Variants in COL6A6 observed in about 807,000 individuals in gnomAD.
The protein encoded by COL6A6 is collagen type VI alpha 6 chain, also known as collagen alpha-6(VI) chain.
A neutral mutation model predicts 208.6 loss-of-function variants in COL6A6; 183 were observed. The observed-to-expected ratio is 0.88, with a 90% CI of 0.78 to 0.99. The LOEUF (loss-of-function observed/expected upper bound fraction) is 0.99. Ranked by LOEUF, COL6A6 falls within the 50% of genes least tolerant of loss-of-function variation. The probability of loss-of-function intolerance (pLI) is 0.00; values close to 1 mark genes in which losing one functional copy is unlikely to be tolerated. For synonymous variants in COL6A6, 973 were observed against 1,011.8 expected, an observed-to-expected ratio of 0.96 and a Z score of 0.73; for missense variants, 2,816 against 2,815.2, an observed-to-expected ratio of 1.00 and a Z score of -0.01.
rs903669701 is a variant in COL6A6, at chr3:130,658,315, G to C, written c.5734-361G>C. Among the ~76,000 whole-genome samples the C allele has an allele frequency of 3.9e-5, 6 of 152,276 alleles. No individual in the cohort carries two copies. In the South Asian group the frequency reaches 8.3e-4, roughly 21 times the overall value. On this transcript the variant is annotated intron_variant, in intron 33 of 36. Coordinates refer to ENST00000358511, the MANE Select transcript of COL6A6 (RefSeq NM_001102608.3). ...ATGGGGATGATGAGCATAACTCACTGTATTGCTGCAGTAATAGATATGAAA... is the reference window on the plus strand; with the variant it reads ...ATGGGGATGATGAGCATAACTCACTCTATTGCTGCAGTAATAGATATGAAA...
At chr3:130,564,467 T>G (rs2062968660) in intron 3 of COL6A6, among the ~76,000 whole-genome samples, 1 of 152,218 alleles carries the variant, frequency 6.6e-6, no homozygotes, top group Non-Finnish European at 1.5e-5. Context: ...ATTAAATCAG[T>G]TTGAATGAGC....
chr3:130,566,802 G>C lies in COL6A6; in HGVS notation c.1383G>C (p.Glu461Asp), dbSNP rs1039829413. The part of the protein sequence containing the change: ...DFHEMKTFLS[E>D]VVGMFNIAPH... ...ATGAAATGAAGACGTTCCTGTCAGA[G>C]GTGGTAGGGATGTTCAACATTGCTC... The change falls in exon 5 of 37, where the codon GAG becomes GAC. Residue 461 changes from glutamate to aspartate, a missense_variant. Glu to Asp is a conservative substitution (Grantham distance 45, BLOSUM62 2). Transcript: ENST00000358511. 2.5e-6 allele frequency: 4 copies of C among 1,613,902 alleles called. No individual in the cohort carries two copies. The highest frequency in any genetic ancestry group is 1.7e-5 in the Admixed American group (1 of 60,008).
intron 8 of COL6A6, among the ~76,000 whole-genome samples, chr3:130,579,603 C>T (rs1463766352): frequency 1.3e-5 from 2 of 152,180 alleles, no homozygotes; most frequent in Non-Finnish European, 2.9e-5. Context: ...CTTTTATTAG[C>T]CCTTTCTTAT....
intron 33 of COL6A6, among the ~76,000 whole-genome samples, chr3:130,657,571 T>C (rs1263643231): frequency 6.6e-6 from 1 of 150,964 alleles, no homozygotes; most frequent in Non-Finnish European, 1.5e-5. Context: ...GGCTATTTGT[T>C]TAAAACAACA....
intron 1 of COL6A6, among the ~76,000 whole-genome samples, chr3:130,520,790 T>G (rs968335148): frequency 1.4e-4 from 21 of 152,316 alleles, no homozygotes; most frequent in African/African-American, 4.6e-4. Context: ...TGAAGTTCAG[T>G]CTTACTAAAA....
intron 6 of COL6A6, among the ~76,000 whole-genome samples, chr3:130,569,025 G>T (rs2063098019): frequency 6.6e-6 from 1 of 152,182 alleles, no homozygotes; most frequent in Admixed American, 6.5e-5. Flanking sequence ...ATCCCATGGG[G>T]AGCTCCAGAC....
intron 23 of COL6A6, among the ~76,000 whole-genome samples, chr3:130,613,480 T>A (rs1354004830): frequency 6.6e-6 from 1 of 152,242 alleles, no homozygotes; most frequent in African/African-American, 2.4e-5. Context: ...TGCTTAGGAT[T>A]GTCTTAGCTA....
intron 29 of COL6A6, among the ~76,000 whole-genome samples, chr3:130,642,221 A>G (rs1486470795): frequency 1.3e-5 from 2 of 149,840 alleles, no homozygotes; most frequent in African/African-American, 2.5e-5. Context: ...TTGTTCTTCT[A>G]TCCCAAACTC....
chr3:130,650,932 A>C (rs753388600), intron 33 of COL6A6, among the ~76,000 whole-genome samples: 3 of 152,190 alleles, frequency 2.0e-5, no homozygotes, highest in Non-Finnish European at 4.4e-5. Context: ...TTTTTCCTAG[A>C]TTAGAGGCTA....
In COL6A6 at chr3:130,571,101, A is replaced by C; in HGVS notation, c.2685A>C (p.Ser895=). The C allele has an allele frequency of 6.2e-7, 1 of 1,613,916 alleles. No homozygotes were observed. Among genetic ancestry groups the C allele is most frequent in the Non-Finnish European group, 8.5e-7 (1 of 1,179,832 alleles). ...ATACTGCTGAGGCACTGGGCTTCTCAGACCACATGTTCACTGAAGCCCGGG... is the reference window on the plus strand; with the variant it reads ...ATACTGCTGAGGCACTGGGCTTCTCCGACCACATGTTCACTGAAGCCCGGG... ...STYTAEALGF[S]DHMFTEARGS... Residue 895 remains serine (S), a synonymous_variant, in exon 7 of 37, where the codon TCA becomes TCC. Transcript: ENST00000358511.
chr3:130,532,464 T>A (rs2062121256), intron 1 of COL6A6, among the ~76,000 whole-genome samples: 1 of 152,216 alleles, frequency 6.6e-6, no homozygotes, highest in Non-Finnish European at 1.5e-5. Context: ...GATTTCATGA[T>A]GTCCGGGGCT....
chr3:130,563,787 G>A, intron 3 of COL6A6, 123 bp downstream of exon 3: 3 of 660,776 alleles, frequency 4.5e-6, no homozygotes, highest in South Asian at 4.1e-5. Flanking sequence ...CAGATGTTAT[G>A]TACCCATCGT....
At position 130,611,988 on chromosome 3, in the gene COL6A6, G is replaced by A. The variant is rs541511622; in HGVS notation, c.4815+1277G>A. Among the ~76,000 whole-genome samples the A allele has an allele frequency of 4.6e-5, 7 of 152,206 alleles. No individual in the cohort carries two copies. The South Asian group carries it at 1.2e-3, about 27-fold the overall frequency. Reference sequence around the variant, plus strand: ...CTGTTGTTCCCCTCTTTGTGTCCATGTGTTCTTGTTGTTTGGCTCCCACTT... The same window carrying A: ...CTGTTGTTCCCCTCTTTGTGTCCATATGTTCTTGTTGTTTGGCTCCCACTT... On this transcript the variant is annotated intron_variant, in intron 23 of 36. Transcript: ENST00000358511.
At chr3:130,670,485 C>T (rs1424741484) in intron 36 of COL6A6, among the ~76,000 whole-genome samples, 4 of 152,118 alleles carry the variant, frequency 2.6e-5, no homozygotes, top group Admixed American at 2.0e-4. Flanking sequence ...GTTGGGGAGT[C>T]GGAACCTAGA....
At chr3:130,598,594 C>T (rs1171009971) in intron 19 of COL6A6, among the ~76,000 whole-genome samples, 164 bp downstream of exon 19, 1 of 152,182 alleles carries the variant, frequency 6.6e-6, no homozygotes, top group Non-Finnish European at 1.5e-5. Flanking sequence ...TGCCTATGTA[C>T]TACTCTGGGA....
chr3:130,540,381 T>C (rs962785673), intron 1 of COL6A6, among the ~76,000 whole-genome samples: 1 of 152,260 alleles, frequency 6.6e-6, no homozygotes, highest in African/African-American at 2.4e-5. Context: ...TAGGGTTTAC[T>C]CTTCATGTGG....
chr3:130,589,948 G>T (rs561194809), intron 12 of COL6A6: 25 of 444,656 alleles, frequency 5.6e-5, no homozygotes, highest in African/African-American at 4.8e-4. Context: ...AAAGTTTTTG[G>T]ACTAATTATT....
chr3:130,532,577 A>G (rs563437620), intron 1 of COL6A6, among the ~76,000 whole-genome samples: 2 of 152,044 alleles, frequency 1.3e-5, no homozygotes, highest in East Asian at 3.9e-4. Flanking sequence ...CCAATACTAC[A>G]TGTCCATCTG....
chr3:130,540,072 T>C (rs1256757083), intron 1 of COL6A6, among the ~76,000 whole-genome samples: 1 of 152,242 alleles, frequency 6.6e-6, no homozygotes, highest in Non-Finnish European at 1.5e-5. Flanking sequence ...AAAACTGGAA[T>C]GTTGATAATA....
Sources: gnomAD v4.1 joint callset for allele counts (sites outside exome capture counted in the v4.1 genomes callset) on GRCh38, gnomAD v4.1.1 for gene constraint, MANE v1.5 for transcripts, NCBI Gene and HGNC (gene_info 2026-07-23, HGNC 2026-07-21) for gene names.